The following CDC42BPA variants were observed in gnomAD, a reference collection of about 807,000 sequenced individuals.
CDC42BPA encodes CDC42 binding protein kinase alpha.
CDC42BPA carries 80 observed loss-of-function variants against 223.5 expected under a neutral mutation model. The ratio of observed to expected loss-of-function variants is 0.36; its 90% CI spans 0.30 to 0.43. The LOEUF (loss-of-function observed/expected upper bound fraction) is 0.43, where lower values mean the gene tolerates loss of function less well. Among genes scored for constraint, CDC42BPA ranks in the 20% least tolerant of loss-of-function variants. The pLI is 1.00. For synonymous variants in CDC42BPA, 694 were observed against 718.6 expected (o/e 0.97, Z 0.55); for missense variants, 1,743 against 2,099.9 (o/e 0.83, Z 3.32).
chr1:227,076,204 C>T (rs902344930), intron 17 of CDC42BPA, among the ~76,000 whole-genome samples: 2 of 152,060 alleles, frequency 1.3e-5, no homozygotes, highest in Non-Finnish European at 2.9e-5. Context: ...GTCTATTTTT[C>T]CACCTCATTA....
chr1:227,148,771 G>GAAAAAAAAAAAAAAA (rs1491285386), intron 6 of CDC42BPA, among the ~76,000 whole-genome samples: 5 of 7,704 alleles, frequency 6.5e-4, no homozygotes, highest in Non-Finnish European at 7.7e-4. Flanking sequence ...GGTCTCAAAA[G>GAAAAAAAAAAAAAAA]CAAAAAAAAA....
intron 2 of CDC42BPA, among the ~76,000 whole-genome samples, chr1:227,217,505 C>T (rs1004632769): frequency 6.6e-6 from 1 of 151,940 alleles, no homozygotes; most frequent in Non-Finnish European, 1.5e-5. Flanking sequence ...TACCTGACCT[C>T]TCTACTACTT....
At chr1:227,142,204 G>C (rs1659804171) in intron 9 of CDC42BPA, among the ~76,000 whole-genome samples, 1 of 152,128 alleles carries the variant, frequency 6.6e-6, no homozygotes, top group Admixed American at 6.5e-5. Flanking sequence ...CAGAATGAGA[G>C]ACAGTCAAAG....
At chr1:227,229,446 T>C (rs1330070048) in intron 2 of CDC42BPA, among the ~76,000 whole-genome samples, 1 of 152,172 alleles carries the variant, frequency 6.6e-6, no homozygotes, top group Non-Finnish European at 1.5e-5. Flanking sequence ...GAAGTGTGAG[T>C]CCTCCAACTT....
chr1:227,221,983 A>T (rs548054924), intron 2 of CDC42BPA, among the ~76,000 whole-genome samples: 7 of 146,534 alleles, frequency 4.8e-5, no homozygotes, highest in African/African-American at 1.8e-4. Flanking sequence ...GGGAGGCTGC[A>T]GAGGGAAGAT....
intron 11 of CDC42BPA, among the ~76,000 whole-genome samples, chr1:227,126,460 C>T (rs1689613448): frequency 1.1e-5 from 1 of 94,358 alleles, no homozygotes; most frequent in Non-Finnish European, 2.1e-5. Flanking sequence ...ACAGGCAGTA[C>T]AAGAAAGGAA....
chr1:227,317,068 A>C lies in CDC42BPA; in HGVS notation c.115T>G (p.Tyr39Asp). Residue 39 changes from tyrosine to aspartate, a missense_variant, in exon 1 of 37, where the codon TAT (tyrosine) becomes GAT (aspartate). By Grantham distance (160) the Tyr-to-Asp change is radical. Coordinates refer to ENST00000366766, the MANE Select transcript of CDC42BPA (RefSeq NM_001394014.1). ...AATGGAGAATTATTGCATTCATCAT[A>C]AAGGCAGATGAGTATATCCAGTAAT... ...ETLLDILICLYDECNNSPLRR... is the reference protein window; with the variant it reads ...ETLLDILICLDDECNNSPLRR... The C allele has an allele frequency of 6.2e-7, 1 of 1,613,612 alleles. No individual in the cohort carries two copies.
At chr1:227,280,801 G>A (rs1687895890) in intron 1 of CDC42BPA, among the ~76,000 whole-genome samples, 2 of 152,202 alleles carry the variant, frequency 1.3e-5, no homozygotes, top group South Asian at 4.1e-4. Context: ...TCCTAATAGG[G>A]ATCGTCTGCA....
chr1:227,052,893 GTTGAGACTGCTGGCAAAGTAGAACTA>G (rs1482595251), intron 21 of CDC42BPA, among the ~76,000 whole-genome samples: 4 of 152,196 alleles, frequency 2.6e-5, no homozygotes, highest in Non-Finnish European at 4.4e-5. Flanking sequence ...GTCAGGTGCA[GTTGAGACTGCTGGCAAAGTAGAACTA>G]TTAAAACAAT....
chr1:227,149,238 A>G (rs1159065849), intron 6 of CDC42BPA, among the ~76,000 whole-genome samples: 2 of 152,230 alleles, frequency 1.3e-5, no homozygotes, highest in Non-Finnish European at 2.9e-5. Flanking sequence ...TACATCACAT[A>G]GTCTCAACAT....
At chr1:227,289,383 C>A (rs573711556) in intron 1 of CDC42BPA, among the ~76,000 whole-genome samples, 3 of 152,268 alleles carry the variant, frequency 2.0e-5, no homozygotes, top group Admixed American at 6.5e-5. Flanking sequence ...TGCTCTTACC[C>A]AAGATAGTCA....
chr1:227,007,707 A>C (rs1230118584), intron 34 of CDC42BPA, among the ~76,000 whole-genome samples: 1 of 152,238 alleles, frequency 6.6e-6, no homozygotes, highest in Admixed American at 6.5e-5. Flanking sequence ...GTAGCTTAAC[A>C]TAGAGAATAC....
chr1:227,043,854 G>A (rs967472501), intron 23 of CDC42BPA, among the ~76,000 whole-genome samples: 1 of 152,108 alleles, frequency 6.6e-6, no homozygotes, highest in African/African-American at 2.4e-5. Context: ...CTGTATGGAG[G>A]TTTTTGTAAA....
chr1:227,009,755 C>T (rs1448617991), intron 34 of CDC42BPA, among the ~76,000 whole-genome samples: 1 of 152,056 alleles, frequency 6.6e-6, no homozygotes, highest in East Asian at 1.9e-4. Context: ...CCTCTGGAAT[C>T]CACTCCCTGC....
intron 2 of CDC42BPA, among the ~76,000 whole-genome samples, chr1:227,229,761 T>A (rs1677487182): frequency 6.6e-6 from 1 of 152,224 alleles, no homozygotes; most frequent in South Asian, 2.1e-4. Flanking sequence ...TTTCAGTAGT[T>A]TTAAAATGCC....
intron 17 of CDC42BPA, among the ~76,000 whole-genome samples, chr1:227,078,898 G>A (rs1680046005): frequency 6.6e-6 from 1 of 152,094 alleles, no homozygotes; most frequent in Non-Finnish European, 1.5e-5. Context: ...CTGACAAGAT[G>A]CTTAAATTTT....
intron 35 of CDC42BPA, among the ~76,000 whole-genome samples, chr1:226,997,073 A>G (rs1661767806): frequency 6.6e-6 from 1 of 152,198 alleles, no homozygotes; most frequent in Non-Finnish European, 1.5e-5. Context: ...TTCGGCTGTG[A>G]ATCTGCCTGG....
In CDC42BPA at chr1:227,119,830, G is replaced by C. The variant is rs752814170; in HGVS notation, c.1621C>G (p.Gln541Glu). Residue 541 changes from glutamine to glutamate, a missense_variant, in exon 12 of 37, where the codon CAA becomes GAA. Gln to Glu is a conservative substitution (Grantham distance 29). This residue lies in a region of CDC42BPA where 464 missense variants were observed against 488.0 expected (regional missense o/e 0.95). Coordinates refer to ENST00000366766, the MANE Select transcript of CDC42BPA (RefSeq NM_001394014.1). ...KAYEKQIKTL[Q>E]QEREDLNKEL... ...TTATTTAGATCTTCTCTTTCTTGTTGTAACGTTTTGATTTGTTTTTCATAA... is the reference window on the plus strand; with the variant it reads ...TTATTTAGATCTTCTCTTTCTTGTTCTAACGTTTTGATTTGTTTTTCATAA... 7.6e-6 allele frequency: 12 copies of C among 1,588,518 alleles called. No homozygotes were observed. Among genetic ancestry groups the C allele is most frequent in the Non-Finnish European group, 8.6e-7 (1 of 1,164,606 alleles).
At chr1:227,172,775 AT>A (rs1419261458) in intron 5 of CDC42BPA, among the ~76,000 whole-genome samples, 1 of 152,192 alleles carries the variant, frequency 6.6e-6, no homozygotes, top group African/African-American at 2.4e-5. Flanking sequence ...CTAAAAAAAA[AT>A]CATCTTGAGC....
Sources: gnomAD v4.1 joint callset for allele counts (sites outside exome capture counted in the v4.1 genomes callset) on GRCh38, gnomAD v4.1.1 for gene constraint, gnomAD v4.1.1 regional missense constraint, MANE v1.5 for transcripts, NCBI Gene and HGNC (gene_info 2026-07-23, HGNC 2026-07-21) for gene names.